The following ADGRL2 variants were observed in gnomAD, a reference collection of about 807,000 sequenced individuals.
ADGRL2 encodes calcium-independent alpha-latrotoxin receptor 2.
In ADGRL2, 44 loss-of-function variants were observed where a neutral mutation model predicts 157.4. The ratio of observed to expected loss-of-function variants is 0.28; its 90% CI spans 0.22 to 0.36. The LOEUF is 0.36. Among genes scored for constraint, ADGRL2 ranks in the 10% least tolerant of loss-of-function variants. The pLI is 1.00. For synonymous variants in ADGRL2, 585 were observed against 624.7 expected, an observed-to-expected ratio of 0.94 and a Z score of 0.95; for missense variants, 1,510 against 1,768.9, an observed-to-expected ratio of 0.85 and a Z score of 2.63.
intron 1 of ADGRL2, chr1:81,414,365 AT>A (rs1412177053): frequency 6.6e-6 from 1 of 152,166 alleles, no homozygotes; most frequent in African/African-American, 2.4e-5. Context: ...ATAAAAGTGA[AT>A]TTTTTCCATT....
intron 3 of ADGRL2, among the ~76,000 whole-genome samples, chr1:81,642,078 A>T (rs1276383341): frequency 7.6e-6 from 1 of 132,180 alleles, no homozygotes; most frequent in East Asian, 2.2e-4. Flanking sequence ...TCTCTCTACT[A>T]AACATACAAA....
chr1:81,756,089 A>G, intron 1 of ADGRL2, among the ~76,000 whole-genome samples: 1 of 152,172 alleles, frequency 6.6e-6, no homozygotes, highest in East Asian at 1.9e-4. Context: ...ATCAAGAAGA[A>G]TTAAATCTTT....
intron 2 of ADGRL2, among the ~76,000 whole-genome samples, chr1:81,786,991 G>T (rs1035515503): frequency 6.6e-6 from 1 of 152,142 alleles, no homozygotes; most frequent in African/African-American, 2.4e-5. Flanking sequence ...GGGGATGGGG[G>T]TGGTTTCCCC....
intron 2 of ADGRL2, among the ~76,000 whole-genome samples, chr1:81,864,181 A>G (rs1037138208): frequency 3.9e-5 from 6 of 152,174 alleles, no homozygotes; most frequent in African/African-American, 1.2e-4. Flanking sequence ...GTAAGTTTCA[A>G]TATATTTCAT....
chr1:81,449,299 T>C (rs2101728576), intron 2 of ADGRL2, among the ~76,000 whole-genome samples: 1 of 152,288 alleles, frequency 6.6e-6, no homozygotes, highest in African/African-American at 2.4e-5. Context: ...CCAGTGATAC[T>C]ATGGAATTAT....
intron 1 of ADGRL2, among the ~76,000 whole-genome samples, chr1:81,384,561 A>C (rs565314376): frequency 6.6e-6 from 1 of 152,204 alleles, no homozygotes; most frequent in Non-Finnish European, 1.5e-5. Flanking sequence ...AAAATGAATC[A>C]TTTTTCTTTG....
chr1:81,961,679 T>G (rs1572387164), intron 11 of ADGRL2, among the ~76,000 whole-genome samples: 1 of 151,980 alleles, frequency 6.6e-6, no homozygotes, highest in South Asian at 2.1e-4. Context: ...AGCTAATTTT[T>G]TTGTATTTTT....
intron 1 of ADGRL2, among the ~76,000 whole-genome samples, chr1:81,759,943 A>G (rs554521639): frequency 6.6e-6 from 1 of 152,090 alleles, no homozygotes; most frequent in Admixed American, 6.6e-5. Context: ...TCCTTTACTC[A>G]TGCACTCTCT....
intron 2 of ADGRL2, among the ~76,000 whole-genome samples, chr1:81,892,234 C>A (rs1410168890): frequency 6.6e-6 from 1 of 152,114 alleles, no homozygotes; most frequent in African/African-American, 2.4e-5. Flanking sequence ...AGTCAGTTAA[C>A]TCCTTGTCCG....
intron 2 of ADGRL2, among the ~76,000 whole-genome samples, chr1:81,905,953 T>A (rs977310118): frequency 2.9e-4 from 38 of 132,714 alleles, no homozygotes; most frequent in African/African-American, 1.0e-3. Context: ...GCAGAGTGTG[T>A]GTGTGTGTGT....
rs542966293 is a variant in ADGRL2 at position 81,735,038 on chromosome 1, G to T, written c.-142-26773G>T. 6 of 135,808 alleles carry T rather than the reference G, an allele frequency of 4.4e-5. 1 individual carries two copies. The South Asian group carries it at 1.2e-3, about 28-fold the overall frequency. The allele number at this position is 135,808 out of a possible 1,614,324, so 8.4% of individuals were successfully genotyped here. ...AACAAGAGCAAAACTCCATCTCAAA[G>T]AAAAAAAAAAGTTAAAAAACATTTC... On this transcript the variant is annotated intron_variant, in intron 1 of 20. Coordinates refer to the ADGRL2 transcript ENST00000359929.
intron 1 of ADGRL2, among the ~76,000 whole-genome samples, chr1:81,361,566 A>G (rs12756555): frequency 0.089 from 13,514 of 151,946 alleles, 874 homozygotes; most frequent in Non-Finnish European, 0.13. Context: ...AGGACACTCA[A>G]CAAATATTTG....
intron 1 of ADGRL2, among the ~76,000 whole-genome samples, chr1:81,346,522 A>T (rs548385645): frequency 2.6e-5 from 4 of 152,248 alleles, no homozygotes; most frequent in Middle Eastern, 6.8e-3. Flanking sequence ...GGAGATAGAG[A>T]CTTTAGTGAG....
intron 3 of ADGRL2, among the ~76,000 whole-genome samples, chr1:81,604,944 C>A (rs149700061): frequency 6.6e-6 from 1 of 152,192 alleles, no homozygotes; most frequent in African/African-American, 2.4e-5. Context: ...ATTTTTACCA[C>A]CATTGGTTTT....
At chr1:81,606,783 T>TGCGC (rs201101438) in intron 3 of ADGRL2, among the ~76,000 whole-genome samples, 8 of 149,698 alleles carry the variant, frequency 5.3e-5, no homozygotes, top group African/African-American at 2.0e-4. Context: ...TGCGCACGCG[T>TGCGC]GTGTGTGTGT....
chr1:81,365,981 TTAA>T lies in ADGRL2; in HGVS notation c.-302+59478_-302+59480del, dbSNP rs574638119. On this transcript the variant is annotated intron_variant, in intron 1 of 24. Coordinates refer to the ADGRL2 transcript ENST00000370721. The stretch of plus-strand genomic sequence containing the variant: ...AGAGGGCGTGACTCCTCATAGGTTT[TTAA>T]TAATAGTTTATTTCCATTCTTTGCT... Among the ~76,000 whole-genome samples the T allele has an allele frequency of 3.3e-5, 5 of 152,324 alleles. No homozygotes were observed. In the South Asian group the frequency reaches 1.0e-3, roughly 32 times the overall value.
intron 1 of ADGRL2, among the ~76,000 whole-genome samples, chr1:81,337,331 CAGGGGTTGTGGGTATCCCCCT>C (rs1291850548): frequency 2.1e-5 from 3 of 144,990 alleles, no homozygotes; most frequent in Non-Finnish European, 4.7e-5. Flanking sequence ...TCTGGGGCTC[CAGGGGTTGTGGGTATCCCCCT>C]AGATGCTGCT....
chr1:81,583,216 C>T (rs546016716), intron 3 of ADGRL2, among the ~76,000 whole-genome samples: 2 of 152,082 alleles, frequency 1.3e-5, no homozygotes, highest in South Asian at 4.1e-4. Flanking sequence ...TTTGGTTTGG[C>T]AATAAATTGG....
At chr1:81,961,674 A>T (rs573974092) in intron 11 of ADGRL2, among the ~76,000 whole-genome samples, 1 of 150,976 alleles carries the variant, frequency 6.6e-6, no homozygotes, top group African/African-American at 2.4e-5. Flanking sequence ...CGCCCAGCTA[A>T]TTTTTTTGTA....
Sources: gnomAD v4.1 joint callset for allele counts (sites outside exome capture counted in the v4.1 genomes callset) on GRCh38, gnomAD v4.1.1 for gene constraint, MANE v1.5 for transcripts, NCBI Gene and HGNC (gene_info 2026-07-23, HGNC 2026-07-21) for gene names.